The following NBEA variants were observed in gnomAD, a reference collection of about 807,000 sequenced individuals.
NBEA encodes the protein neurobeachin, also known as lysosomal-trafficking regulator 2.
Under a neutral mutation model 343.4 loss-of-function variants are expected in NBEA, and 44 were observed. The ratio of observed to expected loss-of-function variants is 0.13; its 90% confidence interval spans 0.10 to 0.16. The LOEUF is 0.16. NBEA is among the 10% of genes least tolerant of loss of function. NBEA has a pLI of 1.00. For synonymous variants in NBEA, 1,175 were observed against 1,238.7 expected, an observed-to-expected ratio of 0.95 and a Z score of 1.08; for missense variants, 2,555 against 3,631.3, an observed-to-expected ratio of 0.70 and a Z score of 7.62.
At chr13:35,506,570 T>G (rs2077080336) in intron 41 of NBEA, among the ~76,000 whole-genome samples, 1 of 152,158 alleles carries the variant, frequency 6.6e-6, no homozygotes, top group Non-Finnish European at 1.5e-5. Flanking sequence ...AGCCCAGGGG[T>G]CAGGTGGGTT....
chr13:35,012,113 C>G (rs2061508983), intron 1 of NBEA, among the ~76,000 whole-genome samples: 1 of 152,110 alleles, frequency 6.6e-6, no homozygotes, highest in African/African-American at 2.4e-5. Context: ...CATTTTATGC[C>G]ACTATAATAG....
intron 1 of NBEA, among the ~76,000 whole-genome samples, chr13:35,026,158 A>C (rs534155494): frequency 6.6e-6 from 1 of 152,142 alleles, no homozygotes; most frequent in South Asian, 2.1e-4. Context: ...AGCATCTGGC[A>C]TTTCCCCTGC....
At chr13:35,240,504 C>A (rs2030061144) in intron 34 of NBEA, among the ~76,000 whole-genome samples, 1 of 151,860 alleles carries the variant, frequency 6.6e-6, no homozygotes, top group African/African-American at 2.4e-5. Flanking sequence ...CTGATTAAAT[C>A]TGTATATTCA....
At chr13:35,608,864 G>T (rs2082393839) in intron 48 of NBEA, among the ~76,000 whole-genome samples, 1 of 152,028 alleles carries the variant, frequency 6.6e-6, no homozygotes, top group Non-Finnish European at 1.5e-5. Context: ...AAATATGAAG[G>T]CCAGACATGT....
At chr13:35,284,673 C>G (rs2035302332) in intron 34 of NBEA, among the ~76,000 whole-genome samples, 1 of 151,758 alleles carries the variant, frequency 6.6e-6, no homozygotes, top group South Asian at 2.1e-4. Context: ...TGTTTGTTTT[C>G]TTGGTTTTGA....
intron 1 of NBEA, among the ~76,000 whole-genome samples, chr13:34,998,147 G>A (rs2061000417): frequency 6.6e-6 from 1 of 152,086 alleles, no homozygotes; most frequent in African/African-American, 2.4e-5. Context: ...CATGTTGGCA[G>A]GTTCCATGAT....
At chr13:35,288,821 T>C (rs759759583) in intron 34 of NBEA, among the ~76,000 whole-genome samples, 1 of 151,982 alleles carries the variant, frequency 6.6e-6, no homozygotes, top group Non-Finnish European at 1.5e-5. Flanking sequence ...TACTTGTTTT[T>C]TCTTTGTCAG....
At chr13:35,314,598 A>G (rs1423275995) in intron 36 of NBEA, among the ~76,000 whole-genome samples, 2 of 152,112 alleles carry the variant, frequency 1.3e-5, no homozygotes, top group African/African-American at 4.8e-5. Context: ...CATAGTATCC[A>G]TATGTTAATT....
intron 10 of NBEA, among the ~76,000 whole-genome samples, chr13:35,074,951 A>G (rs1052717456): frequency 6.6e-6 from 1 of 152,000 alleles, no homozygotes; most frequent in Non-Finnish European, 1.5e-5. Flanking sequence ...TCTAACCTAC[A>G]TCTCCCCACT....
intron 48 of NBEA, among the ~76,000 whole-genome samples, chr13:35,625,939 T>G (rs1330163773): frequency 1.3e-5 from 2 of 152,134 alleles, no homozygotes; most frequent in African/African-American, 4.8e-5. Context: ...ACATTAAGTA[T>G]GCACTCCCAG....
chr13:34,983,875 T>A (rs1192737323), intron 1 of NBEA, among the ~76,000 whole-genome samples: 2 of 152,202 alleles, frequency 1.3e-5, no homozygotes, highest in East Asian at 3.9e-4. Context: ...GGTTGTTTTT[T>A]TCTTGTAAAT....
At chr13:34,999,313 C>T (rs2061043865) in intron 1 of NBEA, among the ~76,000 whole-genome samples, 1 of 151,904 alleles carries the variant, frequency 6.6e-6, no homozygotes, top group African/African-American at 2.4e-5. Context: ...ATAGGGTATC[C>T]ATCACCTCAA....
chr13:35,597,753 G>A (rs6563037), intron 47 of NBEA, among the ~76,000 whole-genome samples: 33,339 of 152,046 alleles, frequency 0.22, 3,850 homozygotes, highest in African/African-American at 0.23. Flanking sequence ...TTTAAGAATG[G>A]GAGCTGCAAG....
chr13:35,251,699 A>C, intron 34 of NBEA: 1 of 415,012 alleles, frequency 2.4e-6, no homozygotes, highest in Non-Finnish European at 3.7e-6. Flanking sequence ...GCTCCAGAGC[A>C]ACTCACTGGT....
chr13:35,203,200 C>T (rs1476136606), intron 31 of NBEA, among the ~76,000 whole-genome samples: 1 of 152,112 alleles, frequency 6.6e-6, no homozygotes, highest in East Asian at 1.9e-4. Context: ...GAATAAAAGC[C>T]AGCATCTATA....
intron 46 of NBEA, among the ~76,000 whole-genome samples, chr13:35,591,328 A>G (rs937178414): frequency 2.0e-5 from 3 of 152,218 alleles, no homozygotes; most frequent in Non-Finnish European, 2.9e-5. Flanking sequence ...ATTTAATATA[A>G]TTTAGTGACA....
intron 38 of NBEA, among the ~76,000 whole-genome samples, chr13:35,378,302 G>C (rs1216480607): frequency 6.6e-6 from 1 of 152,166 alleles, no homozygotes; most frequent in African/African-American, 2.4e-5. Flanking sequence ...AGTCTATTTT[G>C]CTAGTAGATT....
chr13:34,953,034 A>G (rs116979088), intron 1 of NBEA, among the ~76,000 whole-genome samples: 5,165 of 152,284 alleles, frequency 0.034, 95 homozygotes, highest in African/African-American at 0.058. Context: ...TTTGCTATTT[A>G]AATACACCAT....
chr13:35,604,439 A>G (rs1047098730), intron 47 of NBEA, among the ~76,000 whole-genome samples: 2 of 150,794 alleles, frequency 1.3e-5, no homozygotes, highest in Non-Finnish European at 3.0e-5. Context: ...TCTGTTGTAG[A>G]TTTCCCCTCT....
Sources: allele counts gnomAD v4.1 joint callset (sites outside exome capture counted in the v4.1 genomes callset), GRCh38; gene constraint gnomAD v4.1.1; transcripts MANE v1.5; gene names NCBI Gene and HGNC (gene_info 2026-07-23, HGNC 2026-07-21).